Variants in PIGM observed in about 807,000 individuals in gnomAD.
PIGM encodes the protein phosphatidylinositol glycan anchor biosynthesis class M, also known as GPI alpha-1,4-mannosyltransferase I, catalytic subunit.
Under a neutral mutation model 14.6 loss-of-function variants are expected in PIGM, and 7 were observed. The observed-to-expected ratio is 0.48, with a 90% confidence interval of 0.27 to 0.90. The LOEUF is 0.90. Ranked by LOEUF, PIGM falls within the 40% of genes least tolerant of loss-of-function variation. PIGM has a pLI of 0.12. For synonymous variants in PIGM, 216 were observed against 215.9 expected (o/e 1.00, Z 0.00); for missense variants, 506 against 516.2 (o/e 0.98, Z 0.19).
At position 160,031,313 on chromosome 1, in the gene PIGM, G is replaced by T. The variant is rs1648327507; in HGVS notation, c.427C>A (p.Arg143Ser). 1 of 1,613,892 alleles carries T rather than the reference G, an allele frequency of 6.2e-7. No individual in the cohort carries two copies. Among genetic ancestry groups the T allele is most frequent in the Non-Finnish European group, 8.5e-7 (1 of 1,179,918 alleles). The change falls in exon 1 of 1, where the codon CGC (arginine) becomes AGC (serine). Residue 143 changes from arginine to serine, a missense_variant. Transcript: ENST00000368090. Reference protein sequence around the residue: ...LNPLPMAVSSRGNADSIVASL... With the variant: ...LNPLPMAVSSSGNADSIVASL... ...GCGACAATAGAGTCCGCATTACCGC[G>T]GCTGGATACTGCCATAGGCAGGGGG...
rs757664184 is a variant in PIGM, at chr1:160,031,349, A to G, written c.391T>C (p.Trp131Arg). Residue 131 changes from tryptophan (W) to arginine (R), a missense_variant, in exon 1 of 1, where the codon TGG becomes CGG. Physicochemically the swap from Trp to Arg is moderately radical, Grantham distance 101. Transcript: ENST00000368090. ...GCCATAGGCAGGGGGTTAAGAAGCC[A>G]AAAGACACAGTAGCCACAAGCCTGG... ...RRQACGYCVF[W>R]LLNPLPMAVS... The G allele has an allele frequency of 1.9e-6, 3 of 1,609,620 alleles. No homozygotes were observed. The East Asian group carries it at 6.7e-5, about 36-fold the overall frequency.
Position 160,030,485 on chromosome 1 carries a change from T to C in PIGM, c.1255A>G (p.Arg419Gly), listed in dbSNP as rs753248738. The C allele has an allele frequency of 1.9e-6, 3 of 1,612,052 alleles. No individual in the cohort carries two copies. Among genetic ancestry groups the C allele is most frequent in the East Asian group, 4.5e-5 (2 of 44,878 alleles). ...AACATACACTAGTCATATTTGATTC[T>C]CTCTGTCAGGGGTTCTTCTTTGTAA... is the stretch of plus-strand genomic sequence containing the variant. ...SHYKEEPLTE[R>G]IKYD Residue 419 changes from arginine (R) to glycine (G), a missense_variant, in exon 1 of 1, where the codon AGA becomes GGA. Arg to Gly is a moderately radical substitution (Grantham distance 125). Transcript: ENST00000368090.
rs577114826 is a variant in PIGM at position 160,029,069 on chromosome 1, T to G, written c.*1399A>C. 6.6e-6 allele frequency: 1 copy of G among 152,346 alleles called. No individual in the cohort carries two copies. The highest frequency in any genetic ancestry group is 2.1e-4 in the South Asian group (1 of 4,832). 9.4% of individuals were successfully genotyped at this position (152,346 alleles called of 1,614,324 possible). Reference sequence around the variant, plus strand: ...AGTTGTTTTATCACCTAAAATCTACTATTATCCATTTTTACAACATAGATA... The same window carrying G: ...AGTTGTTTTATCACCTAAAATCTACGATTATCCATTTTTACAACATAGATA... On this transcript the variant is annotated 3_prime_UTR_variant, in exon 1 of 1. Coordinates refer to ENST00000368090, the MANE Select transcript of PIGM (RefSeq NM_145167.3).
rs574988718 is a variant in PIGM, at chr1:160,030,152, T to C, written c.*316A>G. 91 of 324,294 alleles carry C rather than the reference T, an allele frequency of 2.8e-4. No homozygotes were observed. Among genetic ancestry groups the C allele is most frequent in the African/African-American group, 1.7e-3 (80 of 46,996 alleles). The allele number at this position is 324,294 out of a possible 1,614,324, so 20.1% of individuals were successfully genotyped here. A position where few individuals can be genotyped will look rare whatever the true frequency, so the allele number is the denominator to read the frequency against. On this transcript the variant is annotated 3_prime_UTR_variant, in exon 1 of 1. Transcript: ENST00000368090. ...ACAGGAACAAATACTGGCTTAAACC[T>C]GATGTCTCTAACTATATTCCTCTAT...
At position 160,025,043 on chromosome 1, in the gene PIGM, TATATAA is replaced by T. The variant is rs1344189857; in HGVS notation, c.*5419_*5424del. The T allele has an allele frequency of 2.6e-5, 4 of 152,354 alleles. No individual in the cohort carries two copies. Among genetic ancestry groups the T allele is most frequent in the African/African-American group, 7.2e-5 (3 of 41,586 alleles). The allele number at this position is 152,354 out of a possible 1,614,324, so 9.4% of individuals were successfully genotyped here. A position where few individuals can be genotyped will look rare whatever the true frequency, so the allele number is the denominator to read the frequency against. On this transcript the variant is annotated 3_prime_UTR_variant, in exon 1 of 1. Coordinates refer to ENST00000368090, the MANE Select transcript of PIGM (RefSeq NM_145167.3). ...ATCAAAGGTAGTCAAACATTTATTT[TATATAA>T]ATATAATTTCCTTGCCTATATCCAT...
In PIGM at chr1:160,027,603, G is replaced by C. The variant is rs1648213212; in HGVS notation, c.*2865C>G. The stretch of plus-strand genomic sequence containing the variant: ...TTTATCTAATAATTAATGCTTACCT[G>C]CAAATGAACATATCAATCTTAAGAG... On this transcript the variant is annotated 3_prime_UTR_variant, in exon 1 of 1. Transcript: ENST00000368090. 3 of 151,750 alleles carry C rather than the reference G, an allele frequency of 2.0e-5. No individual in the cohort carries two copies. Among genetic ancestry groups the C allele is most frequent in the Admixed American group, 1.3e-4 (2 of 15,242 alleles). The allele number at this position is 151,750 out of a possible 1,614,324, so 9.4% of individuals were successfully genotyped here. A position where few individuals can be genotyped will look rare whatever the true frequency, so the allele number is the denominator to read the frequency against.
In PIGM at chr1:160,025,935, T is replaced by C. The variant is rs1648173028; in HGVS notation, c.*4533A>G. ...TATATGGCGGAATAGGTGCCCAAAA[T>C]TGGTTAATCATGAAAAATTTACCAT... is the stretch of plus-strand genomic sequence containing the variant. On this transcript the variant is annotated 3_prime_UTR_variant, in exon 1 of 1. Coordinates refer to ENST00000368090, the MANE Select transcript of PIGM (RefSeq NM_145167.3). 6.6e-6 allele frequency: 1 copy of C among 152,134 alleles called. No homozygotes were observed. The highest frequency in any genetic ancestry group is 2.1e-4 in the South Asian group (1 of 4,820). 9.4% of individuals were successfully genotyped at this position (152,134 alleles called of 1,614,324 possible). A position where few individuals can be genotyped will look rare whatever the true frequency, so the allele number is the denominator to read the frequency against.
chr1:160,030,301 T>C lies in PIGM; in HGVS notation c.*167A>G. Reference sequence around the variant, plus strand: ...TTTCCTAGAAGGTGGACCTCAATTATTGTGTCCCTTTTATATATAAGGCAA... The same window carrying C: ...TTTCCTAGAAGGTGGACCTCAATTACTGTGTCCCTTTTATATATAAGGCAA... On this transcript the variant is annotated 3_prime_UTR_variant, in exon 1 of 1. Transcript: ENST00000368090. 2 of 706,714 alleles carry C rather than the reference T, an allele frequency of 2.8e-6. No individual in the cohort carries two copies. The highest frequency in any genetic ancestry group is 4.9e-6 in the Non-Finnish European group (2 of 411,320). 43.8% of individuals were successfully genotyped at this position (706,714 alleles called of 1,614,324 possible).
At position 160,030,502 on chromosome 1, in the gene PIGM, T is replaced by C; in HGVS notation, c.1238A>G (p.Glu413Gly). The C allele has an allele frequency of 1.2e-6, 2 of 1,613,572 alleles. No homozygotes were observed. The highest frequency in any genetic ancestry group is 2.2e-5 in the South Asian group (2 of 91,046). ...TTTGATTCTCTCTGTCAGGGGTTCTTCTTTGTAATGGGAAATAATTTGAAT... is the reference window on the plus strand; with the variant it reads ...TTTGATTCTCTCTGTCAGGGGTTCTCCTTTGTAATGGGAAATAATTTGAAT... ...ILIQIISHYK[E>G]EPLTERIKYD Residue 413 changes from glutamate to glycine, a missense_variant, in exon 1 of 1, where the codon GAA becomes GGA. Physicochemically the swap from Glu to Gly is moderately conservative, Grantham distance 98 (BLOSUM62 -2). Transcript: ENST00000368090.
In PIGM at chr1:160,031,092, G is replaced by C. The variant is rs775630838; in HGVS notation, c.648C>G (p.Tyr216Ter). The stretch of plus-strand genomic sequence containing the variant: ...GATTACACAGCCTTTTCAGGAGCTC[G>C]TACAAACAAGCCTGGAAAGTGTACC... Reference protein sequence around the residue: ...QFRYTFQACLYELLKRLCNRA... With the variant: ...QFRYTFQACL The change falls in exon 1 of 1, where the codon TAC becomes TAG. Residue 216 changes from tyrosine (Y) to a stop codon, truncating the protein, a stop_gained. Transcript: ENST00000368090. LOFTEE classifies it high-confidence loss of function. 6.2e-7 allele frequency: 1 copy of C among 1,613,978 alleles called. No homozygotes were observed. The highest frequency in any genetic ancestry group is 1.7e-5 in the Admixed American group (1 of 60,002).
rs2101918484 is a variant in PIGM at position 160,028,640 on chromosome 1, A to AAATATAAT, written c.*1827_*1828insATTATATT. The AAATATAAT allele has an allele frequency of 6.6e-6, 1 of 152,288 alleles. No individual in the cohort carries two copies. The highest frequency in any genetic ancestry group is 6.5e-5 in the Admixed American group (1 of 15,298). 9.4% of individuals were successfully genotyped at this position (152,288 alleles called of 1,614,324 possible). The stretch of plus-strand genomic sequence containing the variant: ...ACTGACATGAAATATAATACTGTGG[A>AAATATAAT]ACTTTTTTTGTCTTTTTGTGAGTGT... On this transcript the variant is annotated 3_prime_UTR_variant, in exon 1 of 1. Transcript: ENST00000368090.
Position 160,029,395 on chromosome 1 carries a change from C to CTTTTTTTTT in PIGM, c.*1064_*1072dup, listed in dbSNP as rs11414039. 1 of 124,872 alleles carries CTTTTTTTTT rather than the reference C, an allele frequency of 8.0e-6. No homozygotes were observed. The allele number at this position is 124,872 out of a possible 1,614,324, so 7.7% of individuals were successfully genotyped here. On this transcript the variant is annotated 3_prime_UTR_variant, in exon 1 of 1. Coordinates refer to ENST00000368090, the MANE Select transcript of PIGM (RefSeq NM_145167.3). ...TTACAATTTAAATTCTTTGGATTATCTTTTTTTTTTTTTTTTTTTGATATG... is the reference window on the plus strand; with the variant it reads ...TTACAATTTAAATTCTTTGGATTATCTTTTTTTTTTTTTTTTTTTTTTTTTTTTGATATG...
rs778354381 is a variant in PIGM, at chr1:160,031,032, G to C, written c.708C>G (p.Leu236=). 6.2e-7 allele frequency: 1 copy of C among 1,614,156 alleles called. No homozygotes were observed. The highest frequency in any genetic ancestry group is 8.5e-7 in the Non-Finnish European group (1 of 1,180,030). The change falls in exon 1 of 1, where the codon CTC becomes CTG. Residue 236 remains leucine, a synonymous_variant. Transcript: ENST00000368090. ...AACCAAAGCTCAGGGCAAAAAACGTGAGTCCAGCAACTGCTACAAACAGCA... is the reference window on the plus strand; with the variant it reads ...AACCAAAGCTCAGGGCAAAAAACGTCAGTCCAGCAACTGCTACAAACAGCA... ...AVLLFVAVAG[L]TFFALSFGFY...
rs1173297992 is a variant in PIGM, at chr1:160,030,361, T to C, written c.*107A>G. ...TTAAGTTCTGTTGGAACATGGGAAC[T>C]TTCACTAGAATGCTTAGAATGTTCA... On this transcript the variant is annotated 3_prime_UTR_variant, in exon 1 of 1. Coordinates refer to ENST00000368090, the MANE Select transcript of PIGM (RefSeq NM_145167.3). 50 of 1,209,432 alleles carry C rather than the reference T, an allele frequency of 4.1e-5. No homozygotes were observed. Among genetic ancestry groups the C allele is most frequent in the Non-Finnish European group, 5.8e-5 (48 of 821,138 alleles). The allele number at this position is 1,209,432 out of a possible 1,614,324, so 74.9% of individuals were successfully genotyped here.
In PIGM at chr1:160,030,857, A is replaced by T. The variant is rs1290252188; in HGVS notation, c.883T>A (p.Phe295Ile). The change falls in exon 1 of 1, where the codon TTC becomes ATC. Residue 295 changes from phenylalanine to isoleucine, a missense_variant. Coordinates refer to ENST00000368090, the MANE Select transcript of PIGM (RefSeq NM_145167.3). Reference protein sequence around the residue: ...KWSFSLGIAAFLPQLILLSAV... With the variant: ...KWSFSLGIAAILPQLILLSAV... ...GAAAGCAAGATGAGCTGTGGCAGGA[A>T]TGCAGCAATTCCCAGGGAAAAACTC... 6.2e-7 allele frequency: 1 copy of T among 1,614,258 alleles called. No individual in the cohort carries two copies. Among genetic ancestry groups the T allele is most frequent in the South Asian group, 1.1e-5 (1 of 91,090 alleles).
chr1:160,025,442 G>A lies in PIGM; in HGVS notation c.*5026C>T, dbSNP rs959719963. 2 of 152,232 alleles carry A rather than the reference G, an allele frequency of 1.3e-5. No homozygotes were observed. The highest frequency in any genetic ancestry group is 4.8e-5 in the African/African-American group (2 of 41,454). The allele number at this position is 152,232 out of a possible 1,614,324, so 9.4% of individuals were successfully genotyped here. A position where few individuals can be genotyped will look rare whatever the true frequency, so the allele number is the denominator to read the frequency against. On this transcript the variant is annotated 3_prime_UTR_variant, in exon 1 of 1. Coordinates refer to ENST00000368090, the MANE Select transcript of PIGM (RefSeq NM_145167.3). ...TATGGCCACATACTTTGTGTAGCTTGATTTACAAATAGCTTGGCTAAAAAG... is the reference window on the plus strand; with the variant it reads ...TATGGCCACATACTTTGTGTAGCTTAATTTACAAATAGCTTGGCTAAAAAG...
chr1:160,031,146 G>A lies in PIGM; in HGVS notation c.594C>T (p.Arg198=), dbSNP rs761690177. The A allele has an allele frequency of 6.2e-7, 1 of 1,613,996 alleles. No individual in the cohort carries two copies. The highest frequency in any genetic ancestry group is 2.2e-5 in the East Asian group (1 of 44,886). Residue 198 remains arginine, a synonymous_variant, in exon 1 of 1, where the codon CGC becomes CGT. Coordinates refer to ENST00000368090, the MANE Select transcript of PIGM (RefSeq NM_145167.3). Reference sequence around the variant, plus strand: ...ATTGACGGAGGCTTTTGTCATTGTCGCGATCTGGAAGCAGGTGGAGGGTTA... The same window carrying A: ...ATTGACGGAGGCTTTTGTCATTGTCACGATCTGGAAGCAGGTGGAGGGTTA... The part of the protein sequence containing the change: ...LPITLHLLPD[R]DNDKSLRQFR...
chr1:160,031,004 A>G lies in PIGM; in HGVS notation c.736T>C (p.Tyr246His). 1 of 1,614,198 alleles carries G rather than the reference A, an allele frequency of 6.2e-7. No individual in the cohort carries two copies. Among genetic ancestry groups the G allele is most frequent in the Non-Finnish European group, 8.5e-7 (1 of 1,180,042 alleles). Residue 246 changes from tyrosine to histidine, a missense_variant, in exon 1 of 1, where the codon TAC becomes CAC. Coordinates refer to ENST00000368090, the MANE Select transcript of PIGM (RefSeq NM_145167.3). ...AAAAATTCCCAGCCGTACTCATAGT[A>G]AAAACCAAAGCTCAGGGCAAAAAAC... The part of the protein sequence containing the change: ...LTFFALSFGF[Y>H]YEYGWEFLEH...
chr1:160,031,552 G>A lies in PIGM; in HGVS notation c.188C>T (p.Thr63Met), dbSNP rs778731192. Residue 63 changes from threonine to methionine, a missense_variant, in exon 1 of 1, where the codon ACG becomes ATG. By Grantham distance (81) the Thr-to-Met change is moderately conservative. Coordinates refer to ENST00000368090, the MANE Select transcript of PIGM (RefSeq NM_145167.3). ...TCTCAGGTAAGGCGAGCGCCCCTCC[G>A]TGACGAAGCGCGCGGCGTCGGTGAA... ...QVFTDAARFV[T>M]EGRSPYLRAT... 5.6e-6 allele frequency: 9 copies of A among 1,614,180 alleles called. No individual in the cohort carries two copies. Among genetic ancestry groups the A allele is most frequent in the South Asian group, 3.3e-5 (3 of 91,078 alleles).
Sources: allele counts gnomAD v4.1 joint callset, GRCh38; gene constraint gnomAD v4.1.1; transcripts MANE v1.5; gene names NCBI Gene and HGNC (gene_info 2026-07-23, HGNC 2026-07-21).